Variants in BTD observed in about 807,000 individuals in gnomAD.
BTD encodes the protein biotinidase.
A neutral mutation model predicts 17.7 loss-of-function variants in BTD; 13 were observed. The ratio of observed to expected loss-of-function variants is 0.74; its 90% CI spans 0.48 to 1.17. BTD has a LOEUF of 1.17. Ranked by LOEUF, BTD falls within the 50% of genes most tolerant of loss-of-function variation. BTD has a pLI of 0.00. For missense variants in BTD, 674 were observed against 650.4 expected (o/e 1.04, Z -0.39); for synonymous variants, 240 against 245.2 (o/e 0.98, Z 0.20).
intron 3 of BTD, among the ~76,000 whole-genome samples, chr3:15,707,053 GCTT>G (rs1451375737): frequency 6.6e-6 from 1 of 152,130 alleles, no homozygotes; most frequent in African/African-American, 2.4e-5. Flanking sequence ...ATCAAATTAT[GCTT>G]CTTATTTTGA....
intron 3 of BTD, among the ~76,000 whole-genome samples, chr3:15,695,506 G>A (rs1210630116): frequency 2.0e-5 from 3 of 151,900 alleles, no homozygotes; most frequent in Non-Finnish European, 2.9e-5. Flanking sequence ...TTATATCTAC[G>A]CTCGTTGAAT....
intron 3 of BTD, chr3:15,686,109 T>C: frequency 6.2e-7 from 1 of 1,613,030 alleles, no homozygotes; most frequent in South Asian, 1.1e-5. Flanking sequence ...ACAGATAGCA[T>C]CAGAGGCGTC....
At chr3:15,623,878 T>G (rs1025220550) in intron 1 of BTD, among the ~76,000 whole-genome samples, 2 of 152,264 alleles carry the variant, frequency 1.3e-5, no homozygotes, top group Non-Finnish European at 2.9e-5. Flanking sequence ...CAGCCATGCT[T>G]CTTGTACAGC....
chr3:15,643,656 G>A (rs1575027542), intron 3 of BTD, among the ~76,000 whole-genome samples: 1 of 152,094 alleles, frequency 6.6e-6, no homozygotes, highest in African/African-American at 2.4e-5. Context: ...TTGTCCTTCT[G>A]TGAATCACCT....
chr3:15,684,870 T>A, intron 3 of BTD: 1 of 218,802 alleles, frequency 4.6e-6, no homozygotes. Flanking sequence ...ATGCCTGTAA[T>A]CCCAACACTT....
chr3:15,617,909 A>G (rs1015791388), intron 1 of BTD, among the ~76,000 whole-genome samples: 1 of 152,070 alleles, frequency 6.6e-6, no homozygotes, highest in African/African-American at 2.4e-5. Context: ...TTCTTCTTCA[A>G]TATTGTATTG....
At chr3:15,675,887 A>T in intron 3 of BTD, 1 of 1,599,332 alleles carries the variant, frequency 6.3e-7, no homozygotes. Flanking sequence ...GAGAATATAG[A>T]ACCAACTTAC....
At position 15,645,566 on chromosome 3, in the gene BTD, G is replaced by A; in HGVS notation, c.*78G>A. The A allele has an allele frequency of 6.5e-7, 1 of 1,546,150 alleles. No homozygotes were observed. The highest frequency in any genetic ancestry group is 8.8e-7 in the Non-Finnish European group (1 of 1,141,734). On this transcript the variant is annotated 3_prime_UTR_variant, in exon 4 of 4. Coordinates refer to ENST00000643237, the MANE Select transcript of BTD (RefSeq NM_001370658.1). The stretch of plus-strand genomic sequence containing the variant: ...CACTTCCACAGGCTACAAGCCCTGG[G>A]ACCATCTTTCTGCCTTAAGGGCAGG...
intron 3 of BTD, among the ~76,000 whole-genome samples, chr3:15,693,422 G>C (rs2069081667): frequency 0.017 from 1 of 60 alleles, no homozygotes; most frequent in Non-Finnish European, 0.033. Flanking sequence ...CAAATTGAAG[G>C]GTGGGGTAGA....
chr3:15,695,594 G>T (rs1037565081), intron 3 of BTD, among the ~76,000 whole-genome samples: 6 of 152,066 alleles, frequency 3.9e-5, no homozygotes, highest in Non-Finnish European at 5.9e-5. Context: ...TTAACCTAAA[G>T]TATCTGTTAC....
intron 3 of BTD, among the ~76,000 whole-genome samples, chr3:15,678,935 A>G (rs2067239934): frequency 1.3e-5 from 2 of 152,212 alleles, no homozygotes; most frequent in South Asian, 4.1e-4. Context: ...CTCTCACACC[A>G]GCCAGTAGTT....
intron 1 of BTD, among the ~76,000 whole-genome samples, chr3:15,603,792 A>G (rs1342177527): frequency 6.6e-6 from 1 of 152,262 alleles, no homozygotes; most frequent in East Asian, 1.9e-4. Flanking sequence ...CAAAGGGGCT[A>G]AAGCCCCCAT....
chr3:15,699,294 A>G (rs1201436820), intron 3 of BTD, among the ~76,000 whole-genome samples: 1 of 152,232 alleles, frequency 6.6e-6, no homozygotes, highest in African/African-American at 2.4e-5. Flanking sequence ...AAACCCTATT[A>G]GAAAACCTAG....
chr3:15,715,947 T>G (rs2072958804), downstream of BTD, among the ~76,000 whole-genome samples: 1 of 151,936 alleles, frequency 6.6e-6, no homozygotes, highest in South Asian at 2.1e-4. Flanking sequence ...ATAGGATATA[T>G]CCTAATTTTT....
chr3:15,657,118 T>C (rs1381144618), downstream of BTD, among the ~76,000 whole-genome samples: 2 of 152,172 alleles, frequency 1.3e-5, no homozygotes, highest in Non-Finnish European at 2.9e-5. Context: ...ACATCTCAGG[T>C]TTCCCAGACA....
Position 15,647,730 on chromosome 3 carries a change from A to G in BTD, c.*2242A>G, listed in dbSNP as rs1428046134. 6.6e-6 allele frequency: 1 copy of G among 152,176 alleles called. No individual in the cohort carries two copies. Among genetic ancestry groups the G allele is most frequent in the East Asian group, 1.9e-4 (1 of 5,194 alleles). 9.4% of individuals were successfully genotyped at this position (152,176 alleles called of 1,614,324 possible). Reference sequence around the variant, plus strand: ...TGGCAATCTTGACCACAACATGGAGACAGGAAATCAAATGCATTTTTGGCT... The same window carrying G: ...TGGCAATCTTGACCACAACATGGAGGCAGGAAATCAAATGCATTTTTGGCT... On this transcript the variant is annotated 3_prime_UTR_variant, in exon 4 of 4. Coordinates refer to ENST00000643237, the MANE Select transcript of BTD (RefSeq NM_001370658.1).
intron 3 of BTD, among the ~76,000 whole-genome samples, chr3:15,706,472 C>G (rs1005271939): frequency 8.5e-5 from 13 of 152,288 alleles, no homozygotes; most frequent in Admixed American, 8.5e-4. Context: ...GCCACATTTT[C>G]TTAATCCAGT....
At chr3:15,664,756 TAAAG>T (rs1006853455) in intron 3 of BTD, among the ~76,000 whole-genome samples, 2 of 152,144 alleles carry the variant, frequency 1.3e-5, no homozygotes, top group African/African-American at 4.8e-5. Flanking sequence ...TAATTTTTCT[TAAAG>T]AAGGGTAAAG....
In BTD at chr3:15,650,210, TCAGA is replaced by T. The variant is rs1222613395; in HGVS notation, c.*4726_*4729del. 2.6e-5 allele frequency among the ~76,000 whole-genome samples: 4 copies of T among 152,234 alleles called. No individual in the cohort carries two copies. Among genetic ancestry groups the T allele is most frequent in the South Asian group, 4.1e-4 (2 of 4,834 alleles). On this transcript the variant is annotated 3_prime_UTR_variant, in exon 4 of 4. Transcript: ENST00000643237. Reference sequence around the variant, plus strand: ...TCACAAAGAATGTTTAGAATGTTTCTCAGACAGGCTGAGAAAAAACACAACGAAA... The same window carrying T: ...TCACAAAGAATGTTTAGAATGTTTCTCAGGCTGAGAAAAAACACAACGAAA...
Sources: gnomAD v4.1 joint callset for allele counts (sites outside exome capture counted in the v4.1 genomes callset) on GRCh38, gnomAD v4.1.1 for gene constraint, MANE v1.5 for transcripts, NCBI Gene and HGNC (gene_info 2026-07-23, HGNC 2026-07-21) for gene names.